HAUS7: variants seen among roughly 807,000 people sequenced by gnomAD.
The protein encoded by HAUS7 is HAUS augmin like complex subunit 7.
HAUS7 carries 3 observed loss-of-function variants against 28.4 expected under a neutral mutation model. The ratio of observed to expected loss-of-function variants is 0.11; its 90% CI spans 0.05 to 0.27. The LOEUF is 0.27. Among genes scored for constraint, HAUS7 ranks in the 10% least tolerant of loss-of-function variants. HAUS7 has a pLI of 1.00. For synonymous variants in HAUS7, 165 were observed against 132.1 expected (o/e 1.25, Z -1.71); for missense variants, 284 against 297.3 (o/e 0.96, Z 0.33).
chrX:153,478,573 C>T (rs1329387343), intron 1 of HAUS7, among the ~76,000 whole-genome samples: 1 of 112,365 alleles, frequency 8.9e-6, no homozygotes, highest in East Asian at 2.8e-4. Flanking sequence ...TGTAGGGGGT[C>T]GGGACAGCCA....
At chrX:153,465,215 CATTA>C (rs1436409209) in intron 2 of HAUS7, among the ~76,000 whole-genome samples, 160 bp from the exon 3 acceptor site, 1 of 107,511 alleles carries the variant, frequency 9.3e-6, no homozygotes, top group Non-Finnish European at 1.9e-5. Context: ...ATTTCATTTC[CATTA>C]ATTATTAGGG....
At chrX:153,494,084 G>A (rs1471244702) in intron 1 of HAUS7, among the ~76,000 whole-genome samples, 1 of 111,714 alleles carries the variant, frequency 9.0e-6, no homozygotes, top group Non-Finnish European at 1.9e-5. Context: ...ACGGGACAGG[G>A]GGGCAGTGTC....
intron 1 of HAUS7, chrX:153,485,691 G>A: frequency 1.6e-6 from 1 of 626,362 alleles, no homozygotes; most frequent in Non-Finnish European, 2.0e-6. Context: ...TTGGGAGTGT[G>A]GGGCTGCAGC....
At chrX:153,483,488 G>A in intron 1 of HAUS7, 2 of 753,582 alleles carry the variant, frequency 2.7e-6, no homozygotes, top group Non-Finnish European at 3.1e-6. Flanking sequence ...GCATTCGGAG[G>A]CAGAGAGCAA....
At chrX:153,488,985 G>A (rs1271954513) in intron 1 of HAUS7, among the ~76,000 whole-genome samples, 1 of 112,669 alleles carries the variant, frequency 8.9e-6, no homozygotes, top group Admixed American at 9.3e-5. Context: ...GGAGGCAGGG[G>A]ACTCGCACTT....
At chrX:153,455,009 A>G (rs782060909) in intron 8 of HAUS7, 1 of 1,021,631 alleles carries the variant, frequency 9.8e-7, no homozygotes, top group South Asian at 1.8e-5. Flanking sequence ...TGGGAACTGT[A>G]GTCATCGTAA....
At chrX:153,473,849 C>A (rs979509339), upstream of HAUS7, among the ~76,000 whole-genome samples, 1 of 111,272 alleles carries the variant, frequency 9.0e-6, no homozygotes, top group African/African-American at 3.3e-5. Flanking sequence ...CTTCCTGGGA[C>A]CTCTCTGCTG....
chrX:153,486,851 G>A (rs782778208), intron 1 of HAUS7: 1 of 951,976 alleles, frequency 1.1e-6, no homozygotes, highest in African/African-American at 2.0e-5. Context: ...TCTGCTTCTC[G>A]AGGGGGTGGA....
intron 1 of HAUS7, chrX:153,479,332 C>G: frequency 1.3e-6 from 1 of 754,663 alleles, no homozygotes; most frequent in Non-Finnish European, 1.6e-6. Flanking sequence ...CCCACCAACC[C>G]CCATGGGCTT....
intron 1 of HAUS7, chrX:153,480,771 G>A: frequency 1.3e-6 from 1 of 754,993 alleles, no homozygotes; most frequent in Non-Finnish European, 1.6e-6. Context: ...AGTGACCTTG[G>A]AGCAGGAGCA....
chrX:153,475,955 G>A (rs782726134), intron 1 of HAUS7, among the ~76,000 whole-genome samples: 88 of 112,196 alleles, frequency 7.8e-4, no homozygotes, highest in African/African-American at 2.8e-3. Context: ...GGCCCCTGGC[G>A]GGCTCAGCTG....
In HAUS7 at chrX:153,455,706, G is replaced by C. The variant is rs1556981998; in HGVS notation, c.766C>G (p.Gln256Glu). The C allele has an allele frequency of 1.8e-5, 22 of 1,204,028 alleles. No individual in the cohort carries two copies. The highest frequency in any genetic ancestry group is 2.2e-5 in the Non-Finnish European group (20 of 889,457). ...TCGGAAGTGACCAGACGCAGCTTCT[G>C]GTCTAGGGTGCTGATGTCGGCTGCG... The part of the protein sequence containing the change: ...AGAADISTLD[Q>E]KLRLVTSDFH... Residue 256 changes from glutamine (Q) to glutamate (E), a missense_variant, in exon 8 of 10, where the codon CAG (glutamine) becomes GAG (glutamate). Transcript: ENST00000370211.
intron 4 of HAUS7, chrX:153,462,043 G>A: frequency 1.4e-6 from 1 of 722,107 alleles, no homozygotes; most frequent in South Asian, 2.4e-5. Flanking sequence ...CTGTGTCATA[G>A]GCCATTGGTC....
intron 9 of HAUS7, among the ~76,000 whole-genome samples, chrX:153,452,004 A>G (rs2124065150): frequency 8.9e-6 from 1 of 112,720 alleles, no homozygotes; most frequent in Admixed American, 9.4e-5. Flanking sequence ...AGTGATTCAC[A>G]CGAAGACAGA....
At chrX:153,472,435 A>G (rs868944849), upstream of HAUS7, among the ~76,000 whole-genome samples, 34 of 13,549 alleles carry the variant, frequency 2.5e-3, 1 homozygote, top group Admixed American at 6.0e-3. Context: ...CCCACCACCC[A>G]CCACCCACCA....
At chrX:153,454,778 A>G (rs1409932819) in intron 8 of HAUS7, 1 of 605,996 alleles carries the variant, frequency 1.7e-6, no homozygotes, top group African/African-American at 2.2e-5. Context: ...GCCTAGGGAC[A>G]TGCCAGCCAG....
rs2089491853 is a variant in HAUS7, at chrX:153,469,330, A to G, written c.109-69T>C. The G allele has an allele frequency of 1.9e-5, 10 of 530,498 alleles. No individual in the cohort carries two copies. The South Asian group carries it at 3.0e-4, about 16-fold the overall frequency. The allele number at this position is 530,498 out of a possible 1,213,427, so 43.7% of individuals were successfully genotyped here. On this transcript the variant is annotated intron_variant, in intron 1 of 9. Transcript: ENST00000370211. ...GTACATCATTTCATTTTATTTATTT[A>G]TTTATTTTTGAGACGGAGTCTCACT...
rs1251434743 is a variant in HAUS7, at chrX:153,465,027, T to C, written c.253A>G (p.Ser85Gly). The change falls in exon 3 of 10, where the codon AGC becomes GGC. Residue 85 changes from serine (S) to glycine (G), a missense_variant. Coordinates refer to ENST00000370211, the MANE Select transcript of HAUS7 (RefSeq NM_001385482.1). ...TCTGTTGGGACCCCTTTCAGTGAGC[T>C]GAACCTGTCCTGCAGTGAGGGCCAG... ...RVWPSLQDRF[S>G]SLKGVPTEVK... is the part of the protein sequence containing the mutation. 2.5e-6 allele frequency: 3 copies of C among 1,202,334 alleles called. No individual in the cohort carries two copies. In the African/African-American group the frequency reaches 5.3e-5, roughly 21 times the overall value.
In HAUS7 at chrX:153,493,674, A is replaced by G. The variant is rs782330355; in HGVS notation, c.-589+1700T>C. Among the ~76,000 whole-genome samples, 5 of 111,436 alleles carry G rather than the reference A, an allele frequency of 4.5e-5. No individual in the cohort carries two copies. The East Asian group carries it at 1.4e-3, about 32-fold the overall frequency. On this transcript the variant is annotated intron_variant, in intron 1 of 5. Coordinates refer to the HAUS7 transcript ENST00000370210. The stretch of plus-strand genomic sequence containing the variant: ...TGCAGGCAGGTACCACAGTTTGGTC[A>G]AGGTGCCATGCGTCCCAGGTCCTAG...
Sources: gnomAD v4.1 joint callset for allele counts (sites outside exome capture counted in the v4.1 genomes callset) on GRCh38, gnomAD v4.1.1 for gene constraint, MANE v1.5 for transcripts, NCBI Gene and HGNC (gene_info 2026-07-23, HGNC 2026-07-21) for gene names.